The following NINL variants were observed in gnomAD, a reference collection of about 807,000 sequenced individuals.
The protein encoded by NINL is ninein-like protein.
NINL carries 153 observed loss-of-function variants against 160.3 expected under a neutral mutation model. The ratio of observed to expected loss-of-function variants is 0.95; its 90% CI spans 0.84 to 1.09. The LOEUF is 1.09. Ranked by LOEUF, NINL falls within the 50% of genes least tolerant of loss-of-function variation. The probability of loss-of-function intolerance (pLI) is 0.00; values close to 1 mark genes in which losing one functional copy is unlikely to be tolerated. For synonymous variants in NINL, 800 were observed against 734.8 expected, an observed-to-expected ratio of 1.09 and a Z score of -1.43; for missense variants, 1,829 against 1,764.0, an observed-to-expected ratio of 1.04 and a Z score of -0.66.
chr20:25,496,630 G>A (rs1020036870), intron 10 of NINL, 33 bp downstream of exon 10: 2 of 1,611,134 alleles, frequency 1.2e-6, no homozygotes, highest in East Asian at 2.2e-5. Flanking sequence ...GGGAGGCCCA[G>A]GTAAGAATCC....
chr20:25,533,152 G>A (rs2064496692), intron 1 of NINL, among the ~76,000 whole-genome samples: 2 of 152,148 alleles, frequency 1.3e-5, no homozygotes, highest in African/African-American at 4.8e-5. Context: ...ACTGTGGAGG[G>A]TCTCAGAAGC....
intron 1 of NINL, among the ~76,000 whole-genome samples, chr20:25,537,346 G>C (rs1399214641): frequency 6.6e-6 from 1 of 152,216 alleles, no homozygotes; most frequent in African/African-American, 2.4e-5. Context: ...GCCTCCCAGA[G>C]GGCTGGGATT....
At chr20:25,499,247 CCCA>C (rs1301917522) in intron 8 of NINL, 4 of 985,046 alleles carry the variant, frequency 4.1e-6, no homozygotes, top group East Asian at 1.1e-4. Context: ...GCACACGCTC[CCCA>C]CCACGTCACT....
At chr20:25,474,568 T>A (rs2063185088) in intron 17 of NINL, among the ~76,000 whole-genome samples, 1 of 151,596 alleles carries the variant, frequency 6.6e-6, no homozygotes, top group Non-Finnish European at 1.5e-5. Flanking sequence ...ACTTTTCAGA[T>A]AAGCAAAAAC....
intron 23 of NINL, among the ~76,000 whole-genome samples, chr20:25,454,707 C>CCCCACACCCGTGGGGTCCA (rs1326598608): frequency 9.9e-5 from 15 of 152,134 alleles, no homozygotes; most frequent in Non-Finnish European, 1.5e-5. Context: ...TGTGTGTGCA[C>CCCCACACCCGTGGGGTCCA]CCCACACCCG....
chr20:25,541,362 T>C (rs1021352438), intron 1 of NINL, among the ~76,000 whole-genome samples: 1 of 152,250 alleles, frequency 6.6e-6, no homozygotes, highest in Non-Finnish European at 1.5e-5. Flanking sequence ...TGAATAAATG[T>C]TACCATGCCC....
At chr20:25,508,853 G>C (rs374850168) in intron 5 of NINL, among the ~76,000 whole-genome samples, 1 of 151,862 alleles carries the variant, frequency 6.6e-6, no homozygotes, top group Non-Finnish European at 1.5e-5. Flanking sequence ...TAAGGATCCC[G>C]CAGTTTGCTC....
chr20:25,499,994 A>C (rs1408004058), intron 8 of NINL, among the ~76,000 whole-genome samples: 2 of 150,506 alleles, frequency 1.3e-5, no homozygotes, highest in Non-Finnish European at 2.9e-5. Context: ...GTATATATAC[A>C]TCTCTCATGT....
intron 14 of NINL, among the ~76,000 whole-genome samples, chr20:25,481,175 A>G (rs1216867235): frequency 6.6e-6 from 1 of 152,164 alleles, no homozygotes; most frequent in East Asian, 1.9e-4. Context: ...TCCCGGGGTT[A>G]CAGATGGCAG....
chr20:25,540,440 A>T (rs568669583), intron 1 of NINL, among the ~76,000 whole-genome samples: 7 of 152,164 alleles, frequency 4.6e-5, no homozygotes, highest in African/African-American at 1.7e-4. Flanking sequence ...GTTGGTTTGC[A>T]TTTAATTTAG....
chr20:25,470,130 T>C, intron 17 of NINL, 35 bp from the exon 18 acceptor site: 1 of 1,563,306 alleles, frequency 6.4e-7, no homozygotes. Context: ...GGTGAGCACT[T>C]GGGGAGCCAC....
At chr20:25,494,827 G>T (rs1000647582) in intron 10 of NINL, among the ~76,000 whole-genome samples, 8 of 152,236 alleles carry the variant, frequency 5.3e-5, no homozygotes, top group African/African-American at 1.9e-4. Flanking sequence ...AAGGAGAGTG[G>T]CTGGGCTCTG....
At chr20:25,454,834 C>T (rs79412967) in intron 23 of NINL, among the ~76,000 whole-genome samples, 1,979 of 152,234 alleles carry the variant, frequency 0.013, 16 homozygotes, top group Non-Finnish European at 0.018. Flanking sequence ...TATGGCACCT[C>T]ATTTTTGGTC....
At chr20:25,535,966 G>A (rs746894307) in intron 1 of NINL, among the ~76,000 whole-genome samples, 4 of 152,058 alleles carry the variant, frequency 2.6e-5, no homozygotes, top group Non-Finnish European at 2.9e-5. Context: ...AAAAACACCC[G>A]CGCCAAGCAC....
intron 7 of NINL, among the ~76,000 whole-genome samples, chr20:25,502,575 A>G (rs1048476512): frequency 6.6e-6 from 1 of 152,210 alleles, no homozygotes; most frequent in South Asian, 2.1e-4. Context: ...CTCAAATCTC[A>G]TATTAAAATG....
At chr20:25,551,158 C>T (rs562744656) in intron 1 of NINL, among the ~76,000 whole-genome samples, 34 of 148,236 alleles carry the variant, frequency 2.3e-4, no homozygotes, top group South Asian at 4.5e-4. Context: ...TCCATTAAAC[C>T]TTGAGTCAAT....
chr20:25,576,766 A>G lies in NINL; in HGVS notation c.-12+8689T>C, dbSNP rs79312408. Among the ~76,000 whole-genome samples, 455 of 152,266 alleles carry G rather than the reference A, an allele frequency of 3.0e-3. 5 individuals carry two copies. Among genetic ancestry groups the G allele is most frequent in the African/African-American group, 9.5e-3 (393 of 41,560 alleles). On this transcript the variant is annotated intron_variant, in intron 1 of 23. Transcript: ENST00000278886. The stretch of plus-strand genomic sequence containing the variant: ...CATGTGCCACCGTGCCAGCCTGAGA[A>G]TTTTAAGTGGTGAAAGTCTACAATG...
intron 3 of NINL, among the ~76,000 whole-genome samples, chr20:25,516,781 C>A (rs1259835210): frequency 4.6e-5 from 7 of 152,158 alleles, no homozygotes; most frequent in African/African-American, 1.7e-4. Context: ...GGGCTCCTTA[C>A]CAGCACCTCT....
intron 1 of NINL, among the ~76,000 whole-genome samples, chr20:25,558,708 C>T (rs1282455403): frequency 6.6e-6 from 1 of 152,222 alleles, no homozygotes; most frequent in Admixed American, 6.5e-5. Context: ...AAAATAGTTA[C>T]TTCCCACACC....
Sources: allele counts gnomAD v4.1 joint callset (sites outside exome capture counted in the v4.1 genomes callset), GRCh38; gene constraint gnomAD v4.1.1; transcripts MANE v1.5; gene names NCBI Gene and HGNC (gene_info 2026-07-23, HGNC 2026-07-21).